ZMYM5: variants seen among roughly 807,000 people sequenced by gnomAD.
The protein encoded by ZMYM5 is zinc finger MYM-type protein 5.
A neutral mutation model predicts 61.8 loss-of-function variants in ZMYM5; 41 were observed. The observed-to-expected ratio is 0.66, with a 90% CI of 0.52 to 0.86. The LOEUF is 0.86. ZMYM5 is among the 40% of genes least tolerant of loss of function. ZMYM5 has a pLI of 0.00. For synonymous variants in ZMYM5, 257 were observed against 276.4 expected (o/e 0.93, Z 0.70); for missense variants, 706 against 786.7 (o/e 0.90, Z 1.23).
At chr13:19,846,665 C>T (rs1953083020) in intron 4 of ZMYM5, among the ~76,000 whole-genome samples, 1 of 151,834 alleles carries the variant, frequency 6.6e-6, no homozygotes. Flanking sequence ...ATAACCAATG[C>T]ACAATGTTAT....
At chr13:19,853,507 G>C (rs1953387709) in intron 2 of ZMYM5, among the ~76,000 whole-genome samples, 1 of 151,634 alleles carries the variant, frequency 6.6e-6, no homozygotes, top group Admixed American at 6.6e-5. Context: ...TGCCCAGGCT[G>C]GTCTCGAACC....
intron 4 of ZMYM5, among the ~76,000 whole-genome samples, chr13:19,839,430 C>G (rs1952786396): frequency 6.6e-6 from 1 of 152,024 alleles, no homozygotes; most frequent in South Asian, 2.1e-4. Context: ...GCTCTTTCTC[C>G]CAGACCGGAG....
chr13:19,835,760 T>A, intron 6 of ZMYM5, 71 bp from the exon 7 acceptor site: 1 of 1,126,318 alleles, frequency 8.9e-7, no homozygotes, highest in Non-Finnish European at 1.2e-6. Context: ...ATGAGATAAC[T>A]AGTTTCTGCA....
chr13:19,863,188 AACCCG>A (rs2138696829), intron 1 of ZMYM5, among the ~76,000 whole-genome samples: 1 of 138,572 alleles, frequency 7.2e-6, no homozygotes, highest in Non-Finnish European at 1.6e-5. Flanking sequence ...GGCGGCCGGC[AACCCG>A]CCCCGCCACC....
At chr13:19,841,800 C>T (rs1189320021) in intron 4 of ZMYM5, 1 of 151,560 alleles carries the variant, frequency 6.6e-6, no homozygotes. Context: ...ATGGTCCTTT[C>T]TAACAAATAT....
rs1369498410 is a variant in ZMYM5, at chr13:19,835,703, C to T, written c.1039-14G>A. On this transcript the variant is annotated splice_polypyrimidine_tract_variant and intron_variant, in intron 6 of 7. Transcript: ENST00000337963. Reference sequence around the variant, plus strand: ...TTCATGGCGAATCTAAAAGAAAAACCAGAATTCATTAACTAAGATATATGA... The same window carrying T: ...TTCATGGCGAATCTAAAAGAAAAACTAGAATTCATTAACTAAGATATATGA... The T allele has an allele frequency of 7.3e-7, 1 of 1,365,154 alleles. No individual in the cohort carries two copies. The highest frequency in any genetic ancestry group is 9.8e-7 in the Non-Finnish European group (1 of 1,020,164). 84.6% of individuals were successfully genotyped at this position (1,365,154 alleles called of 1,614,324 possible).
intron 4 of ZMYM5, among the ~76,000 whole-genome samples, chr13:19,848,235 T>C (rs1357633903): frequency 6.6e-6 from 1 of 152,066 alleles, no homozygotes; most frequent in Non-Finnish European, 1.5e-5. Context: ...TCCGACAGCC[T>C]TGGCCTCTGA....
intron 4 of ZMYM5, among the ~76,000 whole-genome samples, chr13:19,842,671 G>GT (rs1232227231): frequency 6.7e-6 from 1 of 148,976 alleles, no homozygotes; most frequent in Non-Finnish European, 1.5e-5. Flanking sequence ...AAAAAAAAAG[G>GT]TTTCTTGGCT....
intron 4 of ZMYM5, among the ~76,000 whole-genome samples, chr13:19,847,246 G>A (rs1305331938): frequency 2.0e-5 from 3 of 152,142 alleles, no homozygotes; most frequent in Non-Finnish European, 2.9e-5. Flanking sequence ...ACTGCGCCTG[G>A]TGATGAAAAC....
chr13:19,862,154 A>G (rs953310046), intron 2 of ZMYM5, among the ~76,000 whole-genome samples: 3 of 152,214 alleles, frequency 2.0e-5, no homozygotes, highest in African/African-American at 4.8e-5. Context: ...AGGCACTTAA[A>G]AGAGAGCTAA....
intron 6 of ZMYM5, among the ~76,000 whole-genome samples, chr13:19,837,265 T>C (rs1432458852): frequency 6.6e-6 from 1 of 152,116 alleles, no homozygotes; most frequent in Non-Finnish European, 1.5e-5. Context: ...GATATCCACC[T>C]GCCTCGGCCT....
rs138388126 is a variant in ZMYM5 at position 19,839,169 on chromosome 13, T to C, written c.587-184A>G. ...TCCACTTTGTATCTCAAGTGAATGA[T>C]ACTCCACTGTGCCAACAATAATAAT... On this transcript the variant is annotated intron_variant, in intron 4 of 7. Transcript: ENST00000337963. 8.1e-3 allele frequency among the ~76,000 whole-genome samples: 1,232 copies of C among 152,306 alleles called. 19 individuals carry two copies. Among genetic ancestry groups the C allele is most frequent in the African/African-American group, 0.027 (1,120 of 41,564 alleles).
chr13:19,842,204 CTTCCACCA>C (rs1393929020), intron 4 of ZMYM5, among the ~76,000 whole-genome samples: 1 of 152,174 alleles, frequency 6.6e-6, no homozygotes, highest in Non-Finnish European at 1.5e-5. Context: ...TGCCAGCTTC[CTTCCACCA>C]ACCCACCTAC....
At position 19,851,985 on chromosome 13, in the gene ZMYM5, T is replaced by G; in HGVS notation, c.196A>C (p.Ile66Leu). The G allele has an allele frequency of 6.2e-7, 1 of 1,614,046 alleles. No individual in the cohort carries two copies. The highest frequency in any genetic ancestry group is 1.1e-5 in the South Asian group (1 of 91,084). ...GGAGCAGAAATTGAAGGAGGTTGTA[T>G]AGATTCAATAAACACAACATCATCA... ...DDDDVVFIESIQPPSISAPAI... is the reference protein window; with the variant it reads ...DDDDVVFIESLQPPSISAPAI... The change falls in exon 3 of 8, where the codon ATA becomes CTA. Residue 66 changes from isoleucine to leucine, a missense_variant. Ile to Leu is a conservative substitution (Grantham distance 5). Around this residue, in one of 2 missense-constraint regions of ZMYM5, gnomAD observed 480 missense variants for 461.7 expected, o/e 1.04. Coordinates refer to ENST00000337963, the MANE Select transcript of ZMYM5 (RefSeq NM_001142684.2).
chr13:19,827,647 A>C (rs1161567872), intron 7 of ZMYM5, among the ~76,000 whole-genome samples: 3 of 152,148 alleles, frequency 2.0e-5, no homozygotes, highest in African/African-American at 7.2e-5. Flanking sequence ...ACTACCATTT[A>C]CTGAAATATG....
intron 2 of ZMYM5, among the ~76,000 whole-genome samples, chr13:19,852,522 C>T (rs1339489041): frequency 1.3e-5 from 2 of 152,152 alleles, no homozygotes; most frequent in Admixed American, 6.6e-5. Flanking sequence ...AATATAATCA[C>T]TTATATTCCA....
chr13:19,844,093 G>A (rs928806278), intron 4 of ZMYM5, among the ~76,000 whole-genome samples: 16 of 145,726 alleles, frequency 1.1e-4, no homozygotes, highest in African/African-American at 1.6e-4. Flanking sequence ...AGCCGAGATC[G>A]CCCCACTGCA....
At chr13:19,860,831 A>T (rs1234646639) in intron 2 of ZMYM5, among the ~76,000 whole-genome samples, 1 of 151,962 alleles carries the variant, frequency 6.6e-6, no homozygotes, top group Non-Finnish European at 1.5e-5. Flanking sequence ...AAAGCTGAGA[A>T]AAATCTCAAG....
intron 4 of ZMYM5, among the ~76,000 whole-genome samples, chr13:19,843,053 C>A (rs1380828861): frequency 6.7e-6 from 1 of 150,244 alleles, no homozygotes; most frequent in Non-Finnish European, 1.5e-5. Flanking sequence ...TGGGATCAAG[C>A]AATCCTCCTG....
Sources: allele counts gnomAD v4.1 joint callset (sites outside exome capture counted in the v4.1 genomes callset), GRCh38; gene constraint gnomAD v4.1.1; regional missense constraint gnomAD v4.1.1; transcripts MANE v1.5; gene names NCBI Gene and HGNC (gene_info 2026-07-23, HGNC 2026-07-21).